Variants in FOXP2 observed in about 807,000 individuals in gnomAD.
FOXP2 encodes forkhead box protein P2.
A neutral mutation model predicts 115.8 loss-of-function variants in FOXP2; 12 were observed. That is an observed-to-expected ratio of 0.10 (90% confidence interval 0.07 to 0.17). FOXP2 has a LOEUF of 0.17. Ranked by LOEUF, FOXP2 falls within the 10% of genes least tolerant of loss-of-function variation. FOXP2 has a pLI of 1.00. For synonymous variants in FOXP2, 328 were observed against 297.7 expected (o/e 1.10, Z -1.05); for missense variants, 629 against 843.5 (o/e 0.75, Z 3.15).
At chr7:114,286,556 G>A (rs1475110117) in intron 1 of FOXP2, among the ~76,000 whole-genome samples, 1 of 152,024 alleles carries the variant, frequency 6.6e-6, no homozygotes, top group Non-Finnish European at 1.5e-5. Context: ...ATTAGGCAGA[G>A]TATAATTGTG....
chr7:114,286,170 T>C (rs986830413), intron 1 of FOXP2, among the ~76,000 whole-genome samples: 1 of 151,992 alleles, frequency 6.6e-6, no homozygotes, highest in Non-Finnish European at 1.5e-5. Context: ...TATTTTCTTT[T>C]ACTTTGTGAT....
chr7:114,419,748 C>CACACACACACACACACACACACACACACA (rs1293473534), intron 1 of FOXP2: 81 of 145,366 alleles, frequency 5.6e-4, no homozygotes, highest in African/African-American at 1.8e-3. Flanking sequence ...ACACACACAC[C>CACACACACACACACACACACACACACACA]CCAGAAAGGA....
At chr7:114,371,578 A>G (rs1036880143) in intron 2 of FOXP2, among the ~76,000 whole-genome samples, 1 of 152,152 alleles carries the variant, frequency 6.6e-6, no homozygotes, top group Non-Finnish European at 1.5e-5. Context: ...TTTGGATTAT[A>G]TTTGTTATTA....
Position 114,128,351 on chromosome 7 carries a change from G to A in FOXP2, c.-246-34593G>A, listed in dbSNP as rs1044153108. Reference sequence around the variant, plus strand: ...CCTGAAGAATGAATGAAATACAGCAGTGAAATTGACTTCAGGTCACCAACT... The same window carrying A: ...CCTGAAGAATGAATGAAATACAGCAATGAAATTGACTTCAGGTCACCAACT... On this transcript the variant is annotated intron_variant, in intron 1 of 19. Coordinates refer to the FOXP2 transcript ENST00000635638. 7.9e-5 allele frequency among the ~76,000 whole-genome samples: 12 copies of A among 151,806 alleles called. 1 individual carries two copies. The highest frequency in any genetic ancestry group is 7.9e-4 in the Admixed American group (12 of 15,246).
intron 2 of FOXP2, among the ~76,000 whole-genome samples, chr7:114,429,052 C>G (rs938175777): frequency 2.0e-5 from 3 of 151,366 alleles, no homozygotes; most frequent in African/African-American, 2.4e-5. Context: ...GAACTTCTGG[C>G]AAAAATGGTC....
At chr7:114,509,103 A>G (rs1797954811) in intron 2 of FOXP2, among the ~76,000 whole-genome samples, 1 of 152,080 alleles carries the variant, frequency 6.6e-6, no homozygotes, top group Admixed American at 6.6e-5. Context: ...TAGCAAGGAT[A>G]CCAGTGTGTC....
At chr7:114,256,914 T>G (rs1274789285) in intron 1 of FOXP2, among the ~76,000 whole-genome samples, 1 of 152,196 alleles carries the variant, frequency 6.6e-6, no homozygotes, top group African/African-American at 2.4e-5. Flanking sequence ...TAAACTACCA[T>G]TGACATTCTT....
intron 3 of FOXP2, among the ~76,000 whole-genome samples, chr7:114,627,959 A>G (rs886789225): frequency 6.6e-6 from 1 of 151,896 alleles, no homozygotes; most frequent in African/African-American, 2.4e-5. Context: ...TATATCTCCT[A>G]TATGAATTAT....
At chr7:114,657,992 T>C in intron 10 of FOXP2, 74 bp from the exon 11 acceptor site, 2 of 1,540,464 alleles carry the variant, frequency 1.3e-6, no homozygotes, top group Non-Finnish European at 1.8e-6. Context: ...GAATCCACTC[T>C]CATTTGTCAA....
chr7:114,633,784 A>T (rs1331633079), intron 6 of FOXP2, among the ~76,000 whole-genome samples: 3 of 152,218 alleles, frequency 2.0e-5, no homozygotes, highest in Non-Finnish European at 4.4e-5. Context: ...GGAAAAAGTA[A>T]AGAAATATTT....
At chr7:114,181,343 C>T (rs1793449819) in intron 1 of FOXP2, among the ~76,000 whole-genome samples, 1 of 151,342 alleles carries the variant, frequency 6.6e-6, no homozygotes, top group Admixed American at 6.6e-5. Flanking sequence ...TCTAACCTAA[C>T]CTTCTATAAC....
chr7:114,506,260 A>G (rs1797812641), intron 2 of FOXP2, among the ~76,000 whole-genome samples: 1 of 151,768 alleles, frequency 6.6e-6, no homozygotes, highest in African/African-American at 2.4e-5. Flanking sequence ...AACTTTGGCA[A>G]GATTACGTGA....
chr7:114,642,800 AT>A (rs1683919608), intron 7 of FOXP2, among the ~76,000 whole-genome samples, 177 bp downstream of exon 7: 1 of 30,708 alleles, frequency 3.3e-5, no homozygotes, highest in Non-Finnish European at 7.5e-5. Context: ...ATATATATAT[AT>A]ATATATATAT....
rs901237994 is a variant in FOXP2 at position 114,434,440 on chromosome 7, G to C, written c.168+7761G>C. 5.2e-4 allele frequency among the ~76,000 whole-genome samples: 4 copies of C among 7,644 alleles called. No individual in the cohort carries two copies. The South Asian group carries it at 0.032, about 62-fold the overall frequency. 5.0% of individuals were successfully genotyped at this position (7,644 alleles called of 152,430 possible). ...CTGACCTCACGGTTTAATATATATGGGGGGGGGGGATAAGGTACAGCAATT... is the reference window on the plus strand; with the variant it reads ...CTGACCTCACGGTTTAATATATATGCGGGGGGGGGATAAGGTACAGCAATT... On this transcript the variant is annotated intron_variant, in intron 2 of 16. Transcript: ENST00000350908.
chr7:114,351,920 A>G (rs1016208140), intron 2 of FOXP2, among the ~76,000 whole-genome samples: 2 of 152,142 alleles, frequency 1.3e-5, no homozygotes, highest in African/African-American at 4.8e-5. Flanking sequence ...TATAGTATGC[A>G]CTAATTATAT....
At chr7:114,681,624 T>C (rs1033101043) in intron 16 of FOXP2, among the ~76,000 whole-genome samples, 1 of 152,190 alleles carries the variant, frequency 6.6e-6, no homozygotes, top group Admixed American at 6.5e-5. Context: ...AAATTTACTT[T>C]CTTCTATTGA....
chr7:114,197,632 A>AT (rs1028602047), intron 1 of FOXP2, among the ~76,000 whole-genome samples: 4 of 152,086 alleles, frequency 2.6e-5, no homozygotes, highest in South Asian at 2.1e-4. Context: ...TCATTGATTG[A>AT]TTTTTTTCTA....
chr7:114,542,375 A>G (rs1476057994), intron 3 of FOXP2, among the ~76,000 whole-genome samples: 2 of 152,170 alleles, frequency 1.3e-5, no homozygotes, highest in Non-Finnish European at 2.9e-5. Context: ...CTAATATTTA[A>G]TTCTTGTCTT....
chr7:114,654,039 A>G, intron 10 of FOXP2, 30 bp downstream of exon 10: 1 of 1,612,900 alleles, frequency 6.2e-7, no homozygotes. Context: ...TAAACAGTAA[A>G]TAGCTCTACC....
Sources: gnomAD v4.1 joint callset for allele counts (sites outside exome capture counted in the v4.1 genomes callset) on GRCh38, gnomAD v4.1.1 for gene constraint, MANE v1.5 for transcripts, NCBI Gene and HGNC (gene_info 2026-07-23, HGNC 2026-07-21) for gene names.